The following LRRC40 variants were observed in gnomAD, a reference collection of about 807,000 sequenced individuals.
LRRC40 encodes the protein leucine-rich repeat-containing protein 40.
LRRC40 carries 76 observed loss-of-function variants against 72.8 expected under a neutral mutation model. That is an observed-to-expected ratio of 1.04 (90% CI 0.87 to 1.26). LRRC40 has a LOEUF of 1.26. Ranked by LOEUF, LRRC40 falls within the 50% of genes most tolerant of loss-of-function variation. The pLI is 0.00. For missense variants in LRRC40, 684 were observed against 698.9 expected (o/e 0.98, Z 0.24); for synonymous variants, 243 against 254.2 (o/e 0.96, Z 0.42).
intron 13 of LRRC40, 72 bp from the exon 14 acceptor site, chr1:70,148,744 T>C (rs476591): frequency 0.17 from 155,943 of 911,030 alleles, 16,043 homozygotes; most frequent in East Asian, 0.38. Flanking sequence ...ACATATTATC[T>C]TAAATTTGAC....
chr1:70,197,506 T>C (rs891470335), intron 1 of LRRC40, among the ~76,000 whole-genome samples: 1 of 151,686 alleles, frequency 6.6e-6, no homozygotes, highest in African/African-American at 2.4e-5. Context: ...CTCAAACTCC[T>C]GGTCTCAAGT....
Position 70,155,768 on chromosome 1 carries a change from C to T in LRRC40, c.1249G>A (p.Glu417Lys). 1 of 1,572,140 alleles carries T rather than the reference C, an allele frequency of 6.4e-7. No homozygotes were observed. Among genetic ancestry groups the T allele is most frequent in the Non-Finnish European group, 8.7e-7 (1 of 1,152,700 alleles). The change falls in exon 11 of 15, where the codon GAG becomes AAG. Residue 417 changes from glutamate (E) to lysine (K), a missense_variant. By Grantham distance (56) the Glu-to-Lys change is moderately conservative. Coordinates refer to ENST00000370952, the MANE Select transcript of LRRC40 (RefSeq NM_017768.5). ...SDKQATLIPD[E>K]VFDAVKSNIV... The stretch of plus-strand genomic sequence containing the variant: ...TTGCTTTTTACTGCATCAAACACCT[C>T]ATCAGGAATCAAAGTTGCTTGTTTA...
intron 1 of LRRC40, among the ~76,000 whole-genome samples, chr1:70,192,992 G>T (rs779785040): frequency 1.6e-4 from 24 of 151,810 alleles, no homozygotes; most frequent in Non-Finnish European, 2.8e-4. Flanking sequence ...ACAGTATAAT[G>T]GAATAAAACT....
At chr1:70,162,000 G>C (rs1317787400) in intron 9 of LRRC40, among the ~76,000 whole-genome samples, 2 of 152,162 alleles carry the variant, frequency 1.3e-5, no homozygotes, top group African/African-American at 4.8e-5. Flanking sequence ...ATTCCCAAGA[G>C]AGTAACCACC....
intron 5 of LRRC40, 35 bp from the exon 6 acceptor site, chr1:70,179,028 G>GAA: frequency 7.4e-7 from 1 of 1,356,266 alleles, no homozygotes; most frequent in Non-Finnish European, 9.9e-7. Context: ...CAAAAATAGA[G>GAA]AAAAAAAAAT....
At chr1:70,162,906 C>A (rs1667795190) in intron 9 of LRRC40, among the ~76,000 whole-genome samples, 1 of 152,070 alleles carries the variant, frequency 6.6e-6, no homozygotes, top group South Asian at 2.1e-4. Context: ...TTATTTTATG[C>A]CCAATTTATG....
intron 5 of LRRC40, among the ~76,000 whole-genome samples, chr1:70,180,733 G>A (rs1411202992): frequency 6.6e-6 from 1 of 152,114 alleles, no homozygotes; most frequent in Non-Finnish European, 1.5e-5. Context: ...GGAGGCTACA[G>A]CTATAATACA....
At chr1:70,182,793 G>T (rs1668275163) in intron 4 of LRRC40, among the ~76,000 whole-genome samples, 1 of 152,010 alleles carries the variant, frequency 6.6e-6, no homozygotes, top group South Asian at 2.1e-4. Flanking sequence ...AATTATAGGT[G>T]TTTAATCTGT....
chr1:70,156,732 A>G (rs1667646370), intron 10 of LRRC40, among the ~76,000 whole-genome samples: 1 of 152,166 alleles, frequency 6.6e-6, no homozygotes, highest in Admixed American at 6.5e-5. Flanking sequence ...ATATGCTGAC[A>G]AAGGGATGAT....
intron 9 of LRRC40, among the ~76,000 whole-genome samples, chr1:70,167,286 G>A (rs902576175): frequency 3.3e-5 from 5 of 151,670 alleles, no homozygotes; most frequent in South Asian, 2.1e-4. Flanking sequence ...TGAGCTGAGC[G>A]TGGTGGCTCA....
intron 11 of LRRC40, among the ~76,000 whole-genome samples, chr1:70,153,166 G>T (rs1263028394): frequency 6.6e-6 from 1 of 152,118 alleles, no homozygotes; most frequent in Non-Finnish European, 1.5e-5. Context: ...TTCAAGACCA[G>T]CTTGGCCAAC....
rs1237609793 is a variant in LRRC40, at chr1:70,205,567, C to A, written c.-27G>T. ...TTCAAAGTCCTAGGTCCAGAAGCTG[C>A]AGCCCCACCCGTGACGCTTAAAGGT... On this transcript the variant is annotated 5_prime_UTR_variant, in exon 1 of 15. Transcript: ENST00000370952. 6.4e-7 allele frequency: 1 copy of A among 1,564,594 alleles called. No homozygotes were observed. Among genetic ancestry groups the A allele is most frequent in the Non-Finnish European group, 8.7e-7 (1 of 1,143,784 alleles).
At chr1:70,148,137 C>CAAAAAAAA (rs35638808) in intron 14 of LRRC40, 1 of 94,108 alleles carries the variant, frequency 1.1e-5, no homozygotes, top group African/African-American at 4.1e-5. Flanking sequence ...CAATCAATTT[C>CAAAAAAAA]AAAAAAAAAA....
intron 9 of LRRC40, among the ~76,000 whole-genome samples, chr1:70,168,005 T>C (rs1667924674): frequency 6.6e-6 from 1 of 152,186 alleles, no homozygotes; most frequent in Non-Finnish European, 1.5e-5. Flanking sequence ...TCTGTGGTAT[T>C]TGAACCTAGA....
chr1:70,178,794 C>T lies in LRRC40; in HGVS notation c.804+57G>A. ...AACAAGATTAGCTCCTTTAAAAATG[C>T]ATTTTAATAATTAACTTTTGGAAAA... On this transcript the variant is annotated intron_variant, in intron 6 of 14. Transcript: ENST00000370952. The T allele has an allele frequency of 1.1e-5, 13 of 1,142,874 alleles. 1 individual carries two copies. The South Asian group carries it at 2.2e-4, about 19-fold the overall frequency. 70.8% of individuals were successfully genotyped at this position (1,142,874 alleles called of 1,614,324 possible).
At chr1:70,186,474 T>C (rs1380721997) in intron 3 of LRRC40, among the ~76,000 whole-genome samples, 3 of 152,128 alleles carry the variant, frequency 2.0e-5, no homozygotes, top group Non-Finnish European at 2.9e-5. Context: ...AAATAAGGAG[T>C]GTTACTGGGA....
intron 9 of LRRC40, among the ~76,000 whole-genome samples, chr1:70,165,524 T>C (rs1667862654): frequency 6.6e-6 from 1 of 152,224 alleles, no homozygotes; most frequent in African/African-American, 2.4e-5. Flanking sequence ...AAGTTAGCAG[T>C]CTCTACTCAC....
intron 1 of LRRC40, among the ~76,000 whole-genome samples, chr1:70,191,552 C>T (rs1049935737): frequency 6.6e-6 from 1 of 152,088 alleles, no homozygotes; most frequent in Non-Finnish European, 1.5e-5. Flanking sequence ...TATTATTGAA[C>T]ATGTATCAAT....
At chr1:70,153,346 G>C (rs774454328) in intron 11 of LRRC40, among the ~76,000 whole-genome samples, 6 of 150,648 alleles carry the variant, frequency 4.0e-5, no homozygotes, top group Non-Finnish European at 7.4e-5. Flanking sequence ...TGGGCAACAA[G>C]AGCAAAACTC....
Sources: allele counts gnomAD v4.1 joint callset (sites outside exome capture counted in the v4.1 genomes callset), GRCh38; gene constraint gnomAD v4.1.1; transcripts MANE v1.5; gene names NCBI Gene and HGNC (gene_info 2026-07-23, HGNC 2026-07-21).